Variants in PRKCE observed in about 807,000 individuals in gnomAD.
PRKCE encodes protein kinase C epsilon type.
A neutral mutation model predicts 85.4 loss-of-function variants in PRKCE; 16 were observed. The ratio of observed to expected loss-of-function variants is 0.19; its 90% CI spans 0.13 to 0.28. The LOEUF (loss-of-function observed/expected upper bound fraction) is 0.28, where lower values mean the gene tolerates loss of function less well. Ranked by LOEUF, PRKCE falls within the 10% of genes least tolerant of loss-of-function variation. PRKCE has a pLI of 1.00. For synonymous variants in PRKCE, 388 were observed against 371.5 expected, an observed-to-expected ratio of 1.04 and a Z score of -0.51; for missense variants, 573 against 975.2, an observed-to-expected ratio of 0.59 and a Z score of 5.49.
intron 14 of PRKCE, among the ~76,000 whole-genome samples, chr2:46,182,560 C>T (rs531526297): frequency 9.6e-4 from 146 of 152,092 alleles, no homozygotes; most frequent in Non-Finnish European, 1.4e-3. Flanking sequence ...TTCTGTGTGT[C>T]CCCCCCTTCC....
At chr2:45,917,278 A>G (rs1697870077) in intron 2 of PRKCE, among the ~76,000 whole-genome samples, 1 of 152,172 alleles carries the variant, frequency 6.6e-6, no homozygotes, top group Non-Finnish European at 1.5e-5. Context: ...AGCTAGATAC[A>G]GAGTGTCAAT....
chr2:45,984,233 C>T (rs533108470), intron 5 of PRKCE, among the ~76,000 whole-genome samples: 7 of 152,218 alleles, frequency 4.6e-5, no homozygotes, highest in East Asian at 1.9e-4. Flanking sequence ...CCACTGCACC[C>T]GGCCTGAGGT....
chr2:45,709,690 C>T (rs772641306), intron 1 of PRKCE, among the ~76,000 whole-genome samples: 2 of 152,196 alleles, frequency 1.3e-5, no homozygotes, highest in Non-Finnish European at 2.9e-5. Flanking sequence ...GATCTAAACT[C>T]TTTCAAACTC....
chr2:45,742,864 G>C (rs1682694643), intron 1 of PRKCE, among the ~76,000 whole-genome samples: 1 of 152,220 alleles, frequency 6.6e-6, no homozygotes, highest in African/African-American at 2.4e-5. Flanking sequence ...ATTATTTACA[G>C]TAGCCAAGAT....
At chr2:46,149,974 A>G (rs1278089296) in intron 12 of PRKCE, among the ~76,000 whole-genome samples, 1 of 151,648 alleles carries the variant, frequency 6.6e-6, no homozygotes, top group African/African-American at 2.4e-5. Flanking sequence ...TTTCCACCTC[A>G]GCCTTCTGAG....
chr2:45,656,271 C>G (rs1029245488), intron 1 of PRKCE, among the ~76,000 whole-genome samples: 3 of 152,158 alleles, frequency 2.0e-5, no homozygotes, highest in Non-Finnish European at 2.9e-5. Context: ...AAACAGGGCT[C>G]TACAATACAG....
intron 1 of PRKCE, among the ~76,000 whole-genome samples, chr2:45,797,305 A>G (rs1205048715): frequency 6.6e-6 from 1 of 152,134 alleles, no homozygotes; most frequent in African/African-American, 2.4e-5. Context: ...TGCAGGGTGA[A>G]GGGGAGGGAG....
intron 1 of PRKCE, among the ~76,000 whole-genome samples, chr2:45,711,570 A>C (rs1473771787): frequency 2.0e-5 from 3 of 152,230 alleles, no homozygotes; most frequent in Non-Finnish European, 4.4e-5. Context: ...TTGTTAAATT[A>C]ACTATATAAG....
intron 11 of PRKCE, among the ~76,000 whole-genome samples, chr2:46,140,330 G>A (rs1675391386): frequency 6.6e-6 from 1 of 152,124 alleles, no homozygotes; most frequent in Non-Finnish European, 1.5e-5. Flanking sequence ...GTGTGGTATA[G>A]AGTGACGTTA....
At chr2:45,658,007 CA>C (rs1322506752) in intron 1 of PRKCE, among the ~76,000 whole-genome samples, 1 of 152,162 alleles carries the variant, frequency 6.6e-6, no homozygotes, top group African/African-American at 2.4e-5. Flanking sequence ...TACTCTAGAG[CA>C]CATCTCTATC....
chr2:45,950,156 G>A (rs943095221), intron 2 of PRKCE, among the ~76,000 whole-genome samples: 4 of 152,072 alleles, frequency 2.6e-5, no homozygotes, highest in African/African-American at 9.7e-5. Flanking sequence ...TCTCTAATTG[G>A]CATCCTGGGA....
chr2:45,957,019 T>C (rs1701019838), intron 2 of PRKCE, among the ~76,000 whole-genome samples: 1 of 145,698 alleles, frequency 6.9e-6, no homozygotes, highest in African/African-American at 2.5e-5. Flanking sequence ...TTCTGAGAGT[T>C]CTTTACATAT....
Position 45,978,826 on chromosome 2 carries a change from C to G in PRKCE, c.573-150C>G, listed in dbSNP as rs1261274204. ...CTTCTGGAAGGAGACATTTAAGGCA[C>G]CTTGCAAGTGAGAGAGAAATTACAA... is the stretch of plus-strand genomic sequence containing the variant. On this transcript the variant is annotated intron_variant, in intron 3 of 14. Coordinates refer to ENST00000306156, the MANE Select transcript of PRKCE (RefSeq NM_005400.3). 3 of 654,950 alleles carry G rather than the reference C, an allele frequency of 4.6e-6. No individual in the cohort carries two copies. In the African/African-American group the frequency reaches 5.5e-5, roughly 12 times the overall value. The allele number at this position is 654,950 out of a possible 1,614,324, so 40.6% of individuals were successfully genotyped here. A position where few individuals can be genotyped will look rare whatever the true frequency, so the allele number is the denominator to read the frequency against.
chr2:45,787,167 T>C (rs1178927894), intron 1 of PRKCE, among the ~76,000 whole-genome samples: 1 of 152,188 alleles, frequency 6.6e-6, no homozygotes, highest in Non-Finnish European at 1.5e-5. Flanking sequence ...GCAGCCCTGC[T>C]GGGGGCGCTG....
intron 10 of PRKCE, among the ~76,000 whole-genome samples, chr2:46,017,914 C>T (rs1257608578): frequency 1.3e-5 from 2 of 152,166 alleles, no homozygotes; most frequent in African/African-American, 4.8e-5. Context: ...TGTTGTTCAC[C>T]ATGTATTTCT....
At chr2:46,010,807 C>G in intron 10 of PRKCE, 1 of 1,582,868 alleles carries the variant, frequency 6.3e-7, no homozygotes, top group Non-Finnish European at 8.5e-7. Flanking sequence ...GAAAAACCAA[C>G]AAGTGTGGTT....
At chr2:46,161,791 G>T (rs551496611) in intron 14 of PRKCE, among the ~76,000 whole-genome samples, 1 of 152,114 alleles carries the variant, frequency 6.6e-6, no homozygotes, top group Non-Finnish European at 1.5e-5. Context: ...CTGAGGTATA[G>T]CAGATTCCAG....
chr2:45,889,805 A>C (rs1695580126), intron 2 of PRKCE, among the ~76,000 whole-genome samples: 1 of 152,216 alleles, frequency 6.6e-6, no homozygotes, highest in African/African-American at 2.4e-5. Flanking sequence ...TACCAGCTTC[A>C]TATGTACACA....
intron 1 of PRKCE, among the ~76,000 whole-genome samples, chr2:45,699,618 A>T (rs1455065594): frequency 6.6e-6 from 1 of 152,210 alleles, no homozygotes; most frequent in Admixed American, 6.5e-5. Context: ...TACAGAGGCC[A>T]AACTTGTTTT....
Sources: gnomAD v4.1 joint callset for allele counts (sites outside exome capture counted in the v4.1 genomes callset) on GRCh38, gnomAD v4.1.1 for gene constraint, MANE v1.5 for transcripts, NCBI Gene and HGNC (gene_info 2026-07-23, HGNC 2026-07-21) for gene names.